Variants in PRR11 observed in about 807,000 individuals in gnomAD.
PRR11 encodes proline rich 11.
Under a neutral mutation model 45.6 loss-of-function variants are expected in PRR11, and 30 were observed. The ratio of observed to expected loss-of-function variants is 0.66; its 90% CI spans 0.49 to 0.89. The LOEUF is 0.89. PRR11 is among the 40% of genes least tolerant of loss of function. The pLI is 0.00. For missense variants in PRR11, 373 were observed against 424.8 expected (o/e 0.88, Z 1.07); for synonymous variants, 128 against 153.5 (o/e 0.83, Z 1.23).
Position 59,193,658 on chromosome 17 carries a change from C to G in PRR11, c.569C>G (p.Pro190Arg). The G allele has an allele frequency of 6.2e-7, 1 of 1,614,194 alleles. No homozygotes were observed. The highest frequency in any genetic ancestry group is 1.1e-5 in the South Asian group (1 of 91,080). The change falls in exon 5 of 10, where the codon CCT becomes CGT. Residue 190 changes from proline to arginine, a missense_variant. By Grantham distance (103) the Pro-to-Arg change is moderately radical. Coordinates refer to ENST00000262293, the MANE Select transcript of PRR11 (RefSeq NM_018304.4). The stretch of plus-strand genomic sequence containing the variant: ...AGCCATTTTCCTCCTCCTCCTCCAC[C>G]TCCACCTCTGCCACCTCCTCCACCA... Reference protein sequence around the residue: ...PASHFPPPPPPPPLPPPPPPL... With the variant: ...PASHFPPPPPRPPLPPPPPPL...
At chr17:59,157,676 C>A (rs897668024) in intron 1 of PRR11, among the ~76,000 whole-genome samples, 1 of 151,274 alleles carries the variant, frequency 6.6e-6, no homozygotes, top group East Asian at 1.9e-4. Flanking sequence ...CACTCCAGCC[C>A]GGGTGACAGA....
chr17:59,191,166 G>T (rs2046838995), intron 4 of PRR11, among the ~76,000 whole-genome samples: 1 of 151,660 alleles, frequency 6.6e-6, no homozygotes, highest in Non-Finnish European at 1.5e-5. Context: ...TGCCTTCCTG[G>T]CCCCATCTCC....
intron 2 of PRR11, among the ~76,000 whole-genome samples, chr17:59,170,522 C>G (rs546339463): frequency 2.0e-5 from 3 of 152,014 alleles, no homozygotes; most frequent in Non-Finnish European, 4.4e-5. Context: ...CCCACTCTGT[C>G]TCCAAAACAA....
rs554349552 is a variant in PRR11 at position 59,175,380 on chromosome 17, A to G, written c.128+5500A>G. The stretch of plus-strand genomic sequence containing the variant: ...TGGCTTACGCCTGGAATCCCAGCAC[A>G]TTGGGAGGCTGAGGCAGGAGGATCA... On this transcript the variant is annotated intron_variant, in intron 2 of 9. Transcript: ENST00000262293. Among the ~76,000 whole-genome samples the G allele has an allele frequency of 2.8e-3, 427 of 152,278 alleles. 1 individual carries two copies. The highest frequency in any genetic ancestry group is 4.0e-3 in the Non-Finnish European group (275 of 68,012).
intron 2 of PRR11, among the ~76,000 whole-genome samples, chr17:59,171,306 A>G (rs1795919314): frequency 6.6e-6 from 1 of 152,210 alleles, no homozygotes; most frequent in African/African-American, 2.4e-5. Flanking sequence ...TACAAAGTAA[A>G]AAATTACATC....
At chr17:59,177,719 A>C (rs1358563138) in intron 2 of PRR11, among the ~76,000 whole-genome samples, 1 of 152,162 alleles carries the variant, frequency 6.6e-6, no homozygotes, top group Non-Finnish European at 1.5e-5. Flanking sequence ...GACAAATAAT[A>C]AAAAGACCAA....
intron 2 of PRR11, among the ~76,000 whole-genome samples, chr17:59,172,817 C>T (rs1050003679): frequency 6.6e-6 from 1 of 152,224 alleles, no homozygotes; most frequent in African/African-American, 2.4e-5. Flanking sequence ...CCATGGTGGG[C>T]CCCTGCACCA....
chr17:59,195,864 A>G (rs187667008), intron 7 of PRR11, among the ~76,000 whole-genome samples: 33 of 152,210 alleles, frequency 2.2e-4, no homozygotes, highest in African/African-American at 7.5e-4. Flanking sequence ...GGATTGCTTG[A>G]GGCCGGGAGT....
Position 59,205,648 on chromosome 17 carries a change from G to A in PRR11, c.*4017G>A, listed in dbSNP as rs796681125. 1.3e-5 allele frequency among the ~76,000 whole-genome samples: 2 copies of A among 151,476 alleles called. No individual in the cohort carries two copies. Among genetic ancestry groups the A allele is most frequent in the African/African-American group, 4.8e-5 (2 of 41,246 alleles). ...TGGGAGGCAGAGGTTGCAGTGAGCC[G>A]AGATCGCCCCATTGCACTCCAGCTT... is the stretch of plus-strand genomic sequence containing the variant. On this transcript the variant is annotated 3_prime_UTR_variant, in exon 10 of 10. Coordinates refer to ENST00000262293, the MANE Select transcript of PRR11 (RefSeq NM_018304.4).
At chr17:59,177,891 A>G (rs1342415688) in intron 2 of PRR11, among the ~76,000 whole-genome samples, 12 of 151,976 alleles carry the variant, frequency 7.9e-5, no homozygotes, top group Admixed American at 7.9e-4. Flanking sequence ...TGTACTCCCA[A>G]CTGCTCAGGA....
intron 2 of PRR11, among the ~76,000 whole-genome samples, chr17:59,173,578 T>C (rs1010701323): frequency 1.3e-5 from 2 of 152,122 alleles, no homozygotes; most frequent in African/African-American, 4.8e-5. Flanking sequence ...GCTTCACTAC[T>C]GAAGCCAGCA....
chr17:59,162,040 C>CT (rs1457815725), intron 1 of PRR11, among the ~76,000 whole-genome samples: 2 of 152,160 alleles, frequency 1.3e-5, no homozygotes, highest in African/African-American at 4.8e-5. Context: ...CTATTCTCCA[C>CT]TTTCGCAAGA....
At chr17:59,193,759 T>A (rs780880386) in intron 5 of PRR11, 25 bp downstream of exon 5, 4 of 1,605,838 alleles carry the variant, frequency 2.5e-6, no homozygotes, top group Non-Finnish European at 3.4e-6. Flanking sequence ...AGTAATGATA[T>A]GTTTTGATAT....
At chr17:59,181,393 G>T (rs192612963) in intron 2 of PRR11, 2 of 756,330 alleles carry the variant, frequency 2.6e-6, no homozygotes, top group East Asian at 9.5e-5. Flanking sequence ...GAGTCCTCCC[G>T]CATGGAGAGC....
chr17:59,189,985 A>T (rs1188453051), intron 4 of PRR11, among the ~76,000 whole-genome samples: 1 of 151,924 alleles, frequency 6.6e-6, no homozygotes, highest in Non-Finnish European at 1.5e-5. Flanking sequence ...AAAAAAAAAA[A>T]GTTTTCTTTT....
In PRR11 at chr17:59,164,933, C is replaced by T. The variant is rs535096154; in HGVS notation, c.-5-4815C>T. Among the ~76,000 whole-genome samples the T allele has an allele frequency of 2.4e-3, 368 of 150,990 alleles. 2 individuals are homozygous for T. Among genetic ancestry groups the T allele is most frequent in the Non-Finnish European group, 4.3e-3 (291 of 67,806 alleles). ...TTGATGAAATGTAACCTTTTTTCTT[C>T]AGGCAGCCACAAGATCGCTCCTTCC... On this transcript the variant is annotated intron_variant, in intron 1 of 9. Coordinates refer to ENST00000262293, the MANE Select transcript of PRR11 (RefSeq NM_018304.4).
chr17:59,176,884 A>G (rs1454083287), intron 2 of PRR11, among the ~76,000 whole-genome samples: 1 of 151,208 alleles, frequency 6.6e-6, no homozygotes, highest in Non-Finnish European at 1.5e-5. Context: ...TTTAGTAGAG[A>G]TGGGGTTTTG....
intron 7 of PRR11, among the ~76,000 whole-genome samples, chr17:59,196,973 C>T (rs1416620249): frequency 1.3e-5 from 2 of 151,864 alleles, no homozygotes; most frequent in African/African-American, 2.4e-5. Context: ...CTCAGCCTCC[C>T]GAGTAGCTGG....
At chr17:59,161,343 G>A (rs2046651432) in intron 1 of PRR11, among the ~76,000 whole-genome samples, 1 of 148,868 alleles carries the variant, frequency 6.7e-6, no homozygotes, top group African/African-American at 2.5e-5. Flanking sequence ...GGAGGCAGAG[G>A]TTGCAGTGAA....
Sources: gnomAD v4.1 joint callset for allele counts (sites outside exome capture counted in the v4.1 genomes callset) on GRCh38, gnomAD v4.1.1 for gene constraint, MANE v1.5 for transcripts, NCBI Gene and HGNC (gene_info 2026-07-23, HGNC 2026-07-21) for gene names.